Variants in EBI3 observed in about 807,000 individuals in gnomAD.
The protein encoded by EBI3 is Epstein-Barr virus induced 3.
A neutral mutation model predicts 21.3 loss-of-function variants in EBI3; 19 were observed. That is an observed-to-expected ratio of 0.89 (90% CI 0.62 to 1.31). The LOEUF is 1.31. Among genes scored for constraint, EBI3 ranks in the 50% most tolerant of loss-of-function variants. The pLI, the probability that EBI3 is intolerant of heterozygous loss-of-function variation, is 0.00. For synonymous variants in EBI3, 154 were observed against 131.2 expected (o/e 1.17, Z -1.19); for missense variants, 331 against 314.0 (o/e 1.05, Z -0.41).
chr19:4,234,855 G>T, intron 4 of EBI3, 31 bp downstream of exon 4: 1 of 1,609,682 alleles, frequency 6.2e-7, no homozygotes, highest in Non-Finnish European at 8.5e-7. Flanking sequence ...GCTGGAAAGG[G>T]TGGTGCCTGG....
chr19:4,235,523 C>G (rs373545334), intron 4 of EBI3, among the ~76,000 whole-genome samples: 81 of 151,434 alleles, frequency 5.3e-4, no homozygotes, highest in African/African-American at 1.9e-3. Flanking sequence ...TGCCATGTTG[C>G]CCAGGCTGGT....
Position 4,236,951 on chromosome 19 carries a change from GCCACGT to G in EBI3, c.556_561del (p.Thr186_Ser187del). On this transcript the variant is annotated inframe_deletion, in exon 5 of 5. Coordinates refer to ENST00000221847, the MANE Select transcript of EBI3 (RefSeq NM_005755.3). ...CTTCTCTCAGGTGGGGCCCATTGAA[GCCACGT>G]CCTTCATCCTCAGGGCTGTGCGGCC... 1 of 1,508,426 alleles carries G rather than the reference GCCACGT, an allele frequency of 6.6e-7. No homozygotes were observed. Among genetic ancestry groups the G allele is most frequent in the Non-Finnish European group, 8.9e-7 (1 of 1,124,632 alleles). The allele number at this position is 1,508,426 out of a possible 1,614,324, so 93.4% of individuals were successfully genotyped here.
rs371523452 is a variant in EBI3 at position 4,229,531 on chromosome 19, G to T, written c.-20G>T. ...CCACGACGTTCCCACCCACTCCTGAGAGCAGAGCTGGCCGCAGCCATGACC... is the reference window on the plus strand; with the variant it reads ...CCACGACGTTCCCACCCACTCCTGATAGCAGAGCTGGCCGCAGCCATGACC... On this transcript the variant is annotated 5_prime_UTR_variant, in exon 1 of 5. Transcript: ENST00000221847. 729 of 1,604,992 alleles carry T rather than the reference G, an allele frequency of 4.5e-4. No individual in the cohort carries two copies. Among genetic ancestry groups the T allele is most frequent in the Non-Finnish European group, 5.6e-4 (663 of 1,176,022 alleles).
intron 2 of EBI3, among the ~76,000 whole-genome samples, chr19:4,232,741 AAGGG>A (rs1970797290): frequency 2.0e-5 from 2 of 98,660 alleles, no homozygotes; most frequent in Middle Eastern, 6.1e-3. Flanking sequence ...TGAATGAATG[AAGGG>A]ATGAATTAAT....
intron 2 of EBI3, among the ~76,000 whole-genome samples, chr19:4,232,178 T>G (rs1250524063): frequency 3.1e-5 from 4 of 127,870 alleles, no homozygotes; most frequent in African/African-American, 6.5e-5. Context: ...GAGCCAATAT[T>G]GCATCGCTGC....
chr19:4,229,732 T>C, intron 1 of EBI3, 115 bp downstream of exon 1: 14 of 1,093,140 alleles, frequency 1.3e-5, no homozygotes, highest in Non-Finnish European at 1.8e-5. Context: ...AATGGTGGGA[T>C]GGGGTTACCC....
At chr19:4,233,573 A>C (rs72980956) in intron 3 of EBI3, among the ~76,000 whole-genome samples, 39,698 of 151,936 alleles carry the variant, frequency 0.26, 5,762 homozygotes, top group East Asian at 0.42. Context: ...GAGTCAGGGC[A>C]CGTCCCTCTG....
intron 1 of EBI3, among the ~76,000 whole-genome samples, 184 bp downstream of exon 1, chr19:4,229,801 G>A (rs961918398): frequency 5.9e-5 from 9 of 152,210 alleles, no homozygotes; most frequent in South Asian, 2.1e-4. Context: ...CATTGGGGGT[G>A]GAAGGATGTC....
rs764072812 is a variant in EBI3, at chr19:4,237,135, C to A, written c.*47C>A. 40 of 1,413,374 alleles carry A rather than the reference C, an allele frequency of 2.8e-5. No homozygotes were observed. The Admixed American group carries it at 9.3e-4, about 33-fold the overall frequency. The allele number at this position is 1,413,374 out of a possible 1,614,324, so 87.6% of individuals were successfully genotyped here. A position where few individuals can be genotyped will look rare whatever the true frequency, so the allele number is the denominator to read the frequency against. ...AGACAGCACCTGGGTCCTCGCCACCCTAAGCCCCGGGACACCTGTTGGAGG... is the reference window on the plus strand; with the variant it reads ...AGACAGCACCTGGGTCCTCGCCACCATAAGCCCCGGGACACCTGTTGGAGG... On this transcript the variant is annotated 3_prime_UTR_variant, in exon 5 of 5. Transcript: ENST00000221847.
chr19:4,237,042 G>A lies in EBI3; in HGVS notation c.644G>A (p.Ser215Asn), dbSNP rs774757587. The change falls in exon 5 of 5, where the codon AGT (serine) becomes AAT (asparagine). Residue 215 changes from serine to asparagine, a missense_variant. Physicochemically the swap from Ser to Asn is conservative, Grantham distance 46. Coordinates refer to ENST00000221847, the MANE Select transcript of EBI3 (RefSeq NM_005755.3). The stretch of plus-strand genomic sequence containing the variant: ...GACCTCACAGACTACGGGGAACTGA[G>A]TGACTGGAGTCTCCCCGCCACTGCC... Reference protein sequence around the residue: ...AQDLTDYGELSDWSLPATATM... With the variant: ...AQDLTDYGELNDWSLPATATM... The A allele has an allele frequency of 1.8e-5, 28 of 1,568,352 alleles. No homozygotes were observed. The highest frequency in any genetic ancestry group is 1.7e-4 in the Middle Eastern group (1 of 5,824).
rs1324189568 is a variant in EBI3 at position 4,233,312 on chromosome 19, G to C, written c.379+5G>C. The C allele has an allele frequency of 6.3e-7, 1 of 1,589,356 alleles. No homozygotes were observed. ...CTTTCATAACAGAGCACATCAGTGA[G>C]TGGGGGCGGCAGTGGGGGCGGGGGC... On this transcript the variant is annotated splice_donor_5th_base_variant and intron_variant, in intron 3 of 4. Transcript: ENST00000221847.
At chr19:4,231,423 G>C in intron 2 of EBI3, 100 bp downstream of exon 2, 1 of 1,408,402 alleles carries the variant, frequency 7.1e-7, no homozygotes, top group Non-Finnish European at 9.3e-7. Context: ...TGGAGACCCC[G>C]ACATCCTGAA....
chr19:4,234,190 A>T (rs1344212546), intron 3 of EBI3, among the ~76,000 whole-genome samples: 1 of 152,184 alleles, frequency 6.6e-6, no homozygotes, highest in Non-Finnish European at 1.5e-5. Flanking sequence ...TGGGCGAGAG[A>T]GCGAGACTCT....
chr19:4,229,888 T>G (rs117058255), intron 1 of EBI3, among the ~76,000 whole-genome samples: 173 of 152,236 alleles, frequency 1.1e-3, no homozygotes, highest in Non-Finnish European at 2.1e-3. Flanking sequence ...TACACAGACA[T>G]GCGAATTTGA....
chr19:4,233,361 C>G (rs1027250050), intron 3 of EBI3, 54 bp downstream of exon 3: 3 of 1,508,642 alleles, frequency 2.0e-6, no homozygotes, highest in African/African-American at 1.4e-5. Flanking sequence ...CCTTCCAGCT[C>G]CCCCCACCCC....
At chr19:4,234,344 A>G (rs1970817501) in intron 3 of EBI3, among the ~76,000 whole-genome samples, 1 of 152,160 alleles carries the variant, frequency 6.6e-6, no homozygotes, top group Non-Finnish European at 1.5e-5. Flanking sequence ...CCATGAGGAC[A>G]GGGGTAGGTC....
chr19:4,232,967 CG>C (rs374988258), intron 2 of EBI3, 161 bp from the exon 3 acceptor site: 6 of 758,374 alleles, frequency 7.9e-6, no homozygotes, highest in African/African-American at 3.7e-5. Context: ...GCCCTGCCCC[CG>C]GGGGGTGGCA....
intron 1 of EBI3, 61 bp downstream of exon 1, chr19:4,229,678 C>T (rs1337437657): frequency 3.3e-6 from 5 of 1,512,386 alleles, no homozygotes; most frequent in East Asian, 2.4e-5. Flanking sequence ...CGAGGACTGG[C>T]CTCGGATCAT....
Position 4,232,949 on chromosome 19 carries a change from G to T in EBI3, c.201-180G>T, listed in dbSNP as rs9807806. ...AACCATCAGGGGCACCGTGATGTTG[G>T]GGCCCATGCCCTGCCCCCGGGGGGT... On this transcript the variant is annotated intron_variant, in intron 2 of 4. Coordinates refer to ENST00000221847, the MANE Select transcript of EBI3 (RefSeq NM_005755.3). 549 of 596,886 alleles carry T rather than the reference G, an allele frequency of 9.2e-4. 4 individuals are homozygous for T. The African/African-American group carries it at 9.7e-3, about 11-fold the overall frequency. 37.0% of individuals were successfully genotyped at this position (596,886 alleles called of 1,614,324 possible).
Sources: gnomAD v4.1 joint callset for allele counts (sites outside exome capture counted in the v4.1 genomes callset) on GRCh38, gnomAD v4.1.1 for gene constraint, MANE v1.5 for transcripts, NCBI Gene and HGNC (gene_info 2026-07-23, HGNC 2026-07-21) for gene names.